Variants in MRPL1 observed in about 807,000 individuals in gnomAD.
MRPL1 encodes the protein mitochondrial ribosomal protein L1.
A neutral mutation model predicts 38.0 loss-of-function variants in MRPL1; 28 were observed. That is an observed-to-expected ratio of 0.74 (90% confidence interval 0.55 to 1.01). The LOEUF (loss-of-function observed/expected upper bound fraction) is 1.01, where lower values mean the gene tolerates loss of function less well. Among genes scored for constraint, MRPL1 ranks in the 50% least tolerant of loss-of-function variants. The probability of loss-of-function intolerance (pLI) is 0.00; values close to 1 mark genes in which losing one functional copy is unlikely to be tolerated. For missense variants in MRPL1, 358 were observed against 389.8 expected (o/e 0.92, Z 0.69); for synonymous variants, 123 against 126.7 (o/e 0.97, Z 0.20).
chr4:77,891,157 T>A (rs1735796054), intron 5 of MRPL1, among the ~76,000 whole-genome samples: 1 of 151,986 alleles, frequency 6.6e-6, no homozygotes, highest in Non-Finnish European at 1.5e-5. Flanking sequence ...TTAATTTTAA[T>A]TAAAAAATTA....
chr4:77,932,362 A>G (rs1317194781), intron 7 of MRPL1, among the ~76,000 whole-genome samples: 4 of 152,124 alleles, frequency 2.6e-5, no homozygotes, highest in Non-Finnish European at 5.9e-5. Flanking sequence ...TTACTTCCCA[A>G]CCACAAAAGG....
chr4:77,922,218 T>C (rs979700473), intron 7 of MRPL1, among the ~76,000 whole-genome samples: 17 of 152,228 alleles, frequency 1.1e-4, no homozygotes, highest in African/African-American at 3.9e-4. Flanking sequence ...GGATATCTCA[T>C]GTGAACTTCT....
At chr4:77,906,934 TCTC>T in intron 6 of MRPL1, 4 of 982,224 alleles carry the variant, frequency 4.1e-6, no homozygotes, top group Non-Finnish European at 4.8e-6. Context: ...ATATCCATTA[TCTC>T]CCAATTAGAT....
At chr4:77,865,675 T>C (rs1578034706) in intron 1 of MRPL1, among the ~76,000 whole-genome samples, 1 of 152,320 alleles carries the variant, frequency 6.6e-6, no homozygotes, top group East Asian at 1.9e-4. Flanking sequence ...CTGACTCCTC[T>C]CTGTATCTCA....
At chr4:77,899,991 T>C (rs1736000025) in intron 6 of MRPL1, among the ~76,000 whole-genome samples, 1 of 152,218 alleles carries the variant, frequency 6.6e-6, no homozygotes, top group Non-Finnish European at 1.5e-5. Context: ...TTGAGCAAAC[T>C]TTTTAACATT....
chr4:77,874,203 G>C (rs1248240424), intron 2 of MRPL1, among the ~76,000 whole-genome samples: 1 of 152,068 alleles, frequency 6.6e-6, no homozygotes, highest in East Asian at 1.9e-4. Context: ...GGCCAGGCTG[G>C]TCTCAAACTC....
intron 2 of MRPL1, among the ~76,000 whole-genome samples, chr4:77,874,064 T>C (rs887238157): frequency 4.6e-5 from 7 of 151,614 alleles, no homozygotes; most frequent in Non-Finnish European, 8.8e-5. Flanking sequence ...GGTGCTGCGA[T>C]CTTGGCTGAC....
chr4:77,910,226 A>C (rs1736254651), intron 7 of MRPL1, among the ~76,000 whole-genome samples: 1 of 152,212 alleles, frequency 6.6e-6, no homozygotes, highest in Non-Finnish European at 1.5e-5. Flanking sequence ...ATGAGGCAGA[A>C]TAAGCATTTG....
intron 2 of MRPL1, among the ~76,000 whole-genome samples, chr4:77,872,833 A>G (rs1163200883): frequency 6.6e-6 from 1 of 152,210 alleles, no homozygotes; most frequent in Non-Finnish European, 1.5e-5. Context: ...ACTGTGCTCC[A>G]GCCTGGGCGA....
chr4:77,879,147 T>C (rs1735471645), intron 2 of MRPL1, among the ~76,000 whole-genome samples: 1 of 152,210 alleles, frequency 6.6e-6, no homozygotes, highest in African/African-American at 2.4e-5. Context: ...GGGTTCCTGA[T>C]AGAGCTTTAT....
At chr4:77,926,698 T>C (rs1736721336) in intron 7 of MRPL1, among the ~76,000 whole-genome samples, 1 of 151,174 alleles carries the variant, frequency 6.6e-6, no homozygotes, top group South Asian at 2.1e-4. Context: ...AACCTCTGCC[T>C]CCTGGGTTCA....
At chr4:77,921,585 G>C (rs540967148) in intron 7 of MRPL1, among the ~76,000 whole-genome samples, 19 of 152,180 alleles carry the variant, frequency 1.2e-4, no homozygotes, top group Middle Eastern at 3.4e-3. Flanking sequence ...GTTAGAAAAG[G>C]CTAAAATATC....
intron 7 of MRPL1, among the ~76,000 whole-genome samples, chr4:77,919,178 GTATTT>G (rs1736506067): frequency 6.6e-6 from 1 of 152,102 alleles, no homozygotes; most frequent in Non-Finnish European, 1.5e-5. Context: ...GTGACTGTTA[GTATTT>G]TATAACATAC....
intron 7 of MRPL1, among the ~76,000 whole-genome samples, chr4:77,948,771 C>CTTT (rs199944670): frequency 9.1e-4 from 126 of 139,094 alleles, no homozygotes; most frequent in African/African-American, 2.9e-3. Flanking sequence ...TCTTCTTCTT[C>CTTT]TTTTTTTTTT....
chr4:77,862,986 T>A, intron 1 of MRPL1, 107 bp downstream of exon 1: 1 of 1,404,708 alleles, frequency 7.1e-7, no homozygotes, highest in Non-Finnish European at 1.0e-6. Context: ...TGCCTCGTGC[T>A]GTTTCTGGTC....
chr4:77,937,653 CTG>C lies in MRPL1; in HGVS notation c.778-12143_778-12142del, dbSNP rs1164509182. Among the ~76,000 whole-genome samples, 484 of 152,276 alleles carry C rather than the reference CTG, an allele frequency of 3.2e-3. 4 individuals are homozygous for C. The highest frequency in any genetic ancestry group is 4.8e-3 in the Non-Finnish European group (329 of 68,022). On this transcript the variant is annotated intron_variant, in intron 7 of 8. Coordinates refer to ENST00000315567, the MANE Select transcript of MRPL1 (RefSeq NM_020236.4). ...GACTTTCCTCCTCACTTGGCTTCTG[CTG>C]CCTCTTGGGTTGGGTGTTGATTATG... is the stretch of plus-strand genomic sequence containing the variant.
At position 77,885,325 on chromosome 4, in the gene MRPL1, G is replaced by A. The variant is rs1735649869; in HGVS notation, c.472G>A (p.Ala158Thr). 6.2e-7 allele frequency: 1 copy of A among 1,612,914 alleles called. No homozygotes were observed. Among genetic ancestry groups the A allele is most frequent in the Non-Finnish European group, 8.5e-7 (1 of 1,178,942 alleles). ...ATTTGCTTCCGAAATCAATAAAGTTGCTGTATTTACAGAGGTGAGTAACTT... is the reference window on the plus strand; with the variant it reads ...ATTTGCTTCCGAAATCAATAAAGTTACTGTATTTACAGAGGTGAGTAACTT... ...YPFASEINKVAVFTENASEVK... is the reference protein window; with the variant it reads ...YPFASEINKVTVFTENASEVK... Residue 158 changes from alanine (A) to threonine (T), a missense_variant, in exon 4 of 9, where the codon GCT becomes ACT. Ala to Thr is a moderately conservative substitution (Grantham distance 58). Coordinates refer to ENST00000315567, the MANE Select transcript of MRPL1 (RefSeq NM_020236.4).
At chr4:77,930,189 T>A (rs988402924) in intron 7 of MRPL1, among the ~76,000 whole-genome samples, 1 of 152,162 alleles carries the variant, frequency 6.6e-6, no homozygotes, top group African/African-American at 2.4e-5. Flanking sequence ...ACCGTCCAGT[T>A]ATAGGCTTGA....
chr4:77,871,373 C>T (rs879274589), intron 1 of MRPL1, among the ~76,000 whole-genome samples: 5 of 150,490 alleles, frequency 3.3e-5, no homozygotes, highest in Non-Finnish European at 5.9e-5. Context: ...GGCGCTATAT[C>T]GGCTCACTGC....
Sources: gnomAD v4.1 joint callset for allele counts (sites outside exome capture counted in the v4.1 genomes callset) on GRCh38, gnomAD v4.1.1 for gene constraint, MANE v1.5 for transcripts, NCBI Gene and HGNC (gene_info 2026-07-23, HGNC 2026-07-21) for gene names.